Variants in PARVA observed in about 807,000 individuals in gnomAD.
PARVA encodes the protein parvin alpha.
In PARVA, 25 loss-of-function variants were observed where a neutral mutation model predicts 52.6. The ratio of observed to expected loss-of-function variants is 0.48; its 90% CI spans 0.35 to 0.66. PARVA has a LOEUF of 0.66. PARVA is among the 30% of genes least tolerant of loss of function. PARVA has a pLI of 0.01. For synonymous variants in PARVA, 185 were observed against 179.1 expected (o/e 1.03, Z -0.26); for missense variants, 373 against 450.9 (o/e 0.83, Z 1.56).
chr11:12,411,572 C>A, intron 1 of PARVA, among the ~76,000 whole-genome samples: 1 of 152,186 alleles, frequency 6.6e-6, no homozygotes, highest in East Asian at 1.9e-4. Flanking sequence ...AGCTTTTTTA[C>A]TTTCCTTGTT....
chr11:12,459,520 C>A (rs955522745), intron 1 of PARVA, among the ~76,000 whole-genome samples: 2 of 152,180 alleles, frequency 1.3e-5, no homozygotes, highest in Middle Eastern at 3.2e-3. Context: ...CCTTGCTGGT[C>A]TGCCTGTGAG....
intron 1 of PARVA, among the ~76,000 whole-genome samples, chr11:12,419,392 T>G (rs972128580): frequency 6.6e-5 from 10 of 152,190 alleles, no homozygotes; most frequent in East Asian, 3.9e-4. Context: ...ATGACTGACT[T>G]ACTTCACTCA....
At chr11:12,501,321 C>A (rs908191974) in intron 5 of PARVA, among the ~76,000 whole-genome samples, 3 of 151,486 alleles carry the variant, frequency 2.0e-5, no homozygotes, top group African/African-American at 7.3e-5. Flanking sequence ...GATATATACA[C>A]ATATACACAT....
At chr11:12,391,402 C>G (rs1239023988) in intron 1 of PARVA, among the ~76,000 whole-genome samples, 2 of 152,194 alleles carry the variant, frequency 1.3e-5, no homozygotes, top group African/African-American at 2.4e-5. Context: ...GATATGGCAT[C>G]AATTTAAGTA....
intron 4 of PARVA, among the ~76,000 whole-genome samples, chr11:12,495,656 T>A (rs1941289833): frequency 6.6e-6 from 1 of 151,554 alleles, no homozygotes; most frequent in African/African-American, 2.4e-5. Context: ...TGTCATTGCA[T>A]AAAAAAAAAC....
chr11:12,504,630 G>T lies in PARVA; in HGVS notation c.657+201G>T, dbSNP rs144164843. Among the ~76,000 whole-genome samples, 541 of 152,278 alleles carry T rather than the reference G, an allele frequency of 3.6e-3. 1 individual carries two copies. Among genetic ancestry groups the T allele is most frequent in the African/African-American group, 0.012 (519 of 41,562 alleles). The stretch of plus-strand genomic sequence containing the variant: ...GTAAGTGTACACAAGATGGAAGAGC[G>T]TGTGCTTGTGTATAGATAGCTTTGT... On this transcript the variant is annotated intron_variant, in intron 6 of 12. Coordinates refer to ENST00000334956, the MANE Select transcript of PARVA (RefSeq NM_018222.5).
intron 4 of PARVA, chr11:12,479,255 T>G (rs1257110051): frequency 6.6e-6 from 1 of 152,164 alleles, no homozygotes; most frequent in Non-Finnish European, 1.5e-5. Flanking sequence ...TCTCTAGAAT[T>G]AATCAAATTA....
At chr11:12,448,399 G>A (rs1027450112) in intron 1 of PARVA, among the ~76,000 whole-genome samples, 1 of 152,182 alleles carries the variant, frequency 6.6e-6, no homozygotes, top group South Asian at 2.1e-4. Context: ...AGATGAGTGC[G>A]GCAGCAGTTG....
At position 12,513,984 on chromosome 11, in the gene PARVA, G is replaced by T. The variant is rs1408858466; in HGVS notation, c.799-13G>T. 1.2e-6 allele frequency: 2 copies of T among 1,613,042 alleles called. No individual in the cohort carries two copies. The highest frequency in any genetic ancestry group is 1.1e-5 in the South Asian group (1 of 91,074). On this transcript the variant is annotated splice_polypyrimidine_tract_variant and intron_variant, in intron 9 of 12. Transcript: ENST00000334956. ...GAGTCCCCAGCTTAGGGCCTGCTTT[G>T]CTTCTCTTTTAGACACTCATCACTT... is the stretch of plus-strand genomic sequence containing the variant.
chr11:12,502,343 G>A (rs1389013619), intron 5 of PARVA, among the ~76,000 whole-genome samples: 1 of 152,126 alleles, frequency 6.6e-6, no homozygotes, highest in Admixed American at 6.5e-5. Flanking sequence ...CAGACTCACT[G>A]ATCCCAGGGA....
intron 1 of PARVA, among the ~76,000 whole-genome samples, chr11:12,432,412 G>A (rs1372911124): frequency 2.0e-5 from 3 of 152,228 alleles, no homozygotes; most frequent in Non-Finnish European, 4.4e-5. Context: ...AATTGAAGAT[G>A]AATGCTGAAT....
intron 5 of PARVA, among the ~76,000 whole-genome samples, 153 bp downstream of exon 5, chr11:12,496,751 T>A (rs1000479627): frequency 2.0e-5 from 3 of 152,180 alleles, no homozygotes; most frequent in Non-Finnish European, 4.4e-5. Flanking sequence ...TCCTCAGAAC[T>A]TGGAAGAAGT....
intron 1 of PARVA, among the ~76,000 whole-genome samples, chr11:12,433,866 G>A (rs561451230): frequency 4.6e-5 from 7 of 152,274 alleles, no homozygotes; most frequent in South Asian, 2.1e-4. Flanking sequence ...TGCAAGTACC[G>A]TGCCTCCTTT....
chr11:12,511,696 G>A (rs111729697), intron 8 of PARVA, among the ~76,000 whole-genome samples, 163 bp downstream of exon 8: 63 of 152,008 alleles, frequency 4.1e-4, no homozygotes, highest in African/African-American at 1.2e-3. Flanking sequence ...GCTTACTGGC[G>A]GGAAGAAGAC....
At chr11:12,418,547 C>T (rs1343389205) in intron 1 of PARVA, among the ~76,000 whole-genome samples, 16 of 152,164 alleles carry the variant, frequency 1.1e-4, no homozygotes, top group Admixed American at 1.0e-3. Context: ...AGCTTCTCAG[C>T]GTGCCTGCCA....
At chr11:12,518,775 A>G (rs977542668) in intron 12 of PARVA, among the ~76,000 whole-genome samples, 2 of 152,192 alleles carry the variant, frequency 1.3e-5, no homozygotes, top group African/African-American at 4.8e-5. Context: ...CTGCTGCTGC[A>G]GGAACTGCCC....
At chr11:12,503,937 C>T (rs1358806041) in intron 5 of PARVA, among the ~76,000 whole-genome samples, 1 of 152,080 alleles carries the variant, frequency 6.6e-6, no homozygotes, top group African/African-American at 2.4e-5. Context: ...TCCAGGGAGG[C>T]CTCAGGGACC....
At chr11:12,510,195 G>A (rs527467279) in intron 7 of PARVA, among the ~76,000 whole-genome samples, 5 of 152,292 alleles carry the variant, frequency 3.3e-5, no homozygotes, top group Non-Finnish European at 5.9e-5. Context: ...GGGTGAGGAA[G>A]GAGACTGTGC....
chr11:12,457,779 G>T (rs1325898463), intron 1 of PARVA, among the ~76,000 whole-genome samples: 1 of 135,030 alleles, frequency 7.4e-6, no homozygotes, highest in East Asian at 2.3e-4. Flanking sequence ...ATAGTGGGGG[G>T]AGACAGGTTG....
Sources: allele counts gnomAD v4.1 joint callset (sites outside exome capture counted in the v4.1 genomes callset), GRCh38; gene constraint gnomAD v4.1.1; transcripts MANE v1.5; gene names NCBI Gene and HGNC (gene_info 2026-07-23, HGNC 2026-07-21).